ZAN: variants seen among roughly 807,000 people sequenced by gnomAD.
ZAN encodes the protein zonadhesin.
A neutral mutation model predicts 286.2 loss-of-function variants in ZAN; 260 were observed. That is an observed-to-expected ratio of 0.91 (90% confidence interval 0.82 to 1.01). ZAN has a LOEUF of 1.01. Ranked by LOEUF, ZAN falls within the 50% of genes least tolerant of loss-of-function variation. The pLI, the probability that ZAN is intolerant of heterozygous loss-of-function variation, is 0.00. For missense variants in ZAN, 3,410 were observed against 3,639.2 expected (o/e 0.94, Z 1.62); for synonymous variants, 1,368 against 1,417.5 (o/e 0.97, Z 0.79).
chr7:100,773,493 G>T lies in ZAN; in HGVS notation c.5634G>T (p.Pro1878=), dbSNP rs779344893. 8.7e-6 allele frequency: 14 copies of T among 1,612,952 alleles called. No homozygotes were observed. ...GCTDPAGSYH[P]VGERWYTENT... Reference sequence around the variant, plus strand: ...CTGACCCAGCGGGCTCCTACCACCCGGTGAGAGGCCAGCTAGGAGGGGCCC... The same window carrying T: ...CTGACCCAGCGGGCTCCTACCACCCTGTGAGAGGCCAGCTAGGAGGGGCCC... The change falls in exon 30 of 48, where the codon CCG becomes CCT. Residue 1878 remains proline (P), a splice_region_variant and synonymous_variant. Transcript: ENST00000613979.
At chr7:100,750,563 A>T in intron 11 of ZAN, 62 bp from the exon 12 acceptor site, 1 of 1,562,842 alleles carries the variant, frequency 6.4e-7, no homozygotes. Flanking sequence ...AGCTTTGCTA[A>T]AGCAGCAGTT....
At position 100,758,633 on chromosome 7, in the gene ZAN, C is replaced by T; in HGVS notation, c.3554C>T (p.Pro1185Leu). ...AAGTGCACTTACATCTTGGCCCAGCCCTGTGGCAACTCAACAGGTAGGCCC... is the reference window on the plus strand; with the variant it reads ...AAGTGCACTTACATCTTGGCCCAGCTCTGTGGCAACTCAACAGGTAGGCCC... Reference protein sequence around the residue: ...MGKCTYILAQPCGNSTDPFFR... With the variant: ...MGKCTYILAQLCGNSTDPFFR... Residue 1185 changes from proline to leucine, a missense_variant, in exon 17 of 48, where the codon CCC becomes CTC. Pro to Leu is a moderately conservative substitution (Grantham distance 98). Transcript: ENST00000613979. 1 of 1,555,886 alleles carries T rather than the reference C, an allele frequency of 6.4e-7. No homozygotes were observed. Among genetic ancestry groups the T allele is most frequent in the Non-Finnish European group, 8.7e-7 (1 of 1,149,616 alleles).
chr7:100,764,410 G>T (rs976458126), intron 22 of ZAN, among the ~76,000 whole-genome samples: 1 of 152,096 alleles, frequency 6.6e-6, no homozygotes, highest in Admixed American at 6.6e-5. Context: ...CAGGAGAATC[G>T]CTTGAACCCG....
chr7:100,763,840 T>C lies in ZAN; in HGVS notation c.4021T>C (p.Cys1341Arg). Residue 1341 changes from cysteine to arginine, a missense_variant, in exon 21 of 48, where the codon TGT becomes CGT. Cys to Arg is a radical substitution (Grantham distance 180, BLOSUM62 -3). Transcript: ENST00000613979. This position sits in a 1 kb window ranked among gnomAD's most constrained non-coding sequence, Gnocchi z 4.6. ...GTACCAGGTGGTGAATTCCCCGTCTTGTGATTCATCTCTGCAGAGCAGCAT... is the reference window on the plus strand; with the variant it reads ...GTACCAGGTGGTGAATTCCCCGTCTCGTGATTCATCTCTGCAGAGCAGCAT... ...QKYQVVNSPS[C>R]DSSLQSSMSG... 6.2e-7 allele frequency: 1 copy of C among 1,614,032 alleles called. No homozygotes were observed. The highest frequency in any genetic ancestry group is 1.6e-4 in the Middle Eastern group (1 of 6,062).
In ZAN at chr7:100,749,673, T is replaced by C. The variant is rs1283000558; in HGVS notation, c.1250-952T>C. ...AAAAATATATATATATATATATATA[T>C]ATACACACACACACATATATATACA... On this transcript the variant is annotated intron_variant, in intron 11 of 47. Transcript: ENST00000613979. 1.2e-4 allele frequency among the ~76,000 whole-genome samples: 16 copies of C among 137,848 alleles called. 2 individuals carry two copies. The South Asian group carries it at 1.4e-3, about 12-fold the overall frequency. 90.4% of individuals were successfully genotyped at this position (137,848 alleles called of 152,430 possible).
intron 2 of ZAN, among the ~76,000 whole-genome samples, 168 bp from the exon 3 acceptor site, chr7:100,735,550 GAA>G (rs368199475): frequency 4.7e-5 from 5 of 105,398 alleles, no homozygotes; most frequent in Non-Finnish European, 6.1e-5. Context: ...CTGGGTGCCG[GAA>G]AAAAAAAAAA....
At position 100,753,980 on chromosome 7, in the gene ZAN, C is replaced by T. The variant is rs59409166; in HGVS notation, c.3124+751C>T. ...ACCTATTAGCAGCCACTCCCCACTCCGCCTTCCCCCAGCCCCTGGCAACCA... is the reference window on the plus strand; with the variant it reads ...ACCTATTAGCAGCCACTCCCCACTCTGCCTTCCCCCAGCCCCTGGCAACCA... On this transcript the variant is annotated intron_variant, in intron 14 of 47. Transcript: ENST00000613979. Among the ~76,000 whole-genome samples the T allele has an allele frequency of 2.7e-3, 410 of 152,234 alleles. 1 individual carries two copies. Among genetic ancestry groups the T allele is most frequent in the African/African-American group, 9.3e-3 (386 of 41,550 alleles).
intron 38 of ZAN, among the ~76,000 whole-genome samples, chr7:100,788,738 G>A (rs111943953): frequency 0.018 from 2,673 of 152,048 alleles, 88 homozygotes; most frequent in African/African-American, 0.061. Context: ...TCACTCTGTC[G>A]CCCAGGCTGG....
At position 100,750,773 on chromosome 7, in the gene ZAN, A is replaced by G; in HGVS notation, c.1398A>G (p.Glu466=). 6.2e-7 allele frequency: 1 copy of G among 1,612,886 alleles called. No homozygotes were observed. Among genetic ancestry groups the G allele is most frequent in the Middle Eastern group, 1.7e-4 (1 of 6,058 alleles). Residue 466 remains glutamate (E), a synonymous_variant, in exon 12 of 48, where the codon GAA becomes GAG. Coordinates refer to ENST00000613979, the MANE Select transcript of ZAN (RefSeq NM_003386.3). ...MYGLGEGTML[E]LLLGSPAGSP... ...GCCTTGGGGAGGGTACTATGCTCGA[A>G]CTCCTCCTGGGAAGTCCTGCGGGGA...
At chr7:100,745,747 G>A (rs755049655) in intron 7 of ZAN, among the ~76,000 whole-genome samples, 21 of 151,246 alleles carry the variant, frequency 1.4e-4, no homozygotes, top group Non-Finnish European at 2.9e-4. Context: ...TTAGCTGGGC[G>A]GACTCCAGGT....
At chr7:100,784,900 C>T (rs1811462303) in intron 36 of ZAN, 66 bp downstream of exon 36, 1 of 1,456,752 alleles carries the variant, frequency 6.9e-7, no homozygotes, top group East Asian at 2.5e-5. Context: ...CTCCTTTTCT[C>T]TGCCTCTCTC....
intron 40 of ZAN, 51 bp from the exon 41 acceptor site, chr7:100,791,912 CCCA>C: frequency 6.5e-7 from 1 of 1,542,320 alleles, no homozygotes; most frequent in Non-Finnish European, 8.7e-7. Context: ...TTCTTCTTCC[CCCA>C]CTTCACCTTC....
In ZAN at chr7:100,751,993, A is replaced by G. The variant is rs1222339421; in HGVS notation, c.1888A>G (p.Thr630Ala). The G allele has an allele frequency of 3.7e-6, 6 of 1,611,968 alleles. No homozygotes were observed. In the Admixed American group the frequency reaches 1.0e-4, roughly 27 times the overall value. The change falls in exon 14 of 48, where the codon ACA becomes GCA. Residue 630 changes from threonine (T) to alanine (A), a missense_variant. By Grantham distance (58) the Thr-to-Ala change is moderately conservative. This residue lies in a region of ZAN where 872 missense variants were observed against 938.9 expected (regional missense o/e 0.93). Transcript: ENST00000613979. ...TCCCTCAGAAAAACCCACCATCCTC[A>G]CAGAAAAACCCACCATTCCCTCAGA... is the stretch of plus-strand genomic sequence containing the variant. ...TIPSEKPTIL[T>A]EKPTIPSEKP... is the part of the protein sequence containing the mutation.
At chr7:100,749,527 C>A (rs1808474948) in intron 11 of ZAN, among the ~76,000 whole-genome samples, 1 of 151,276 alleles carries the variant, frequency 6.6e-6, no homozygotes, top group Non-Finnish European at 1.5e-5. Context: ...GTAGTCCCAG[C>A]TACTCGGGAG....
chr7:100,786,877 C>A (rs764777288), intron 37 of ZAN, among the ~76,000 whole-genome samples: 10 of 152,068 alleles, frequency 6.6e-5, no homozygotes, highest in Middle Eastern at 3.2e-3. Flanking sequence ...CATAGGAAGA[C>A]CCTGTCCCTA....
At position 100,736,796 on chromosome 7, in the gene ZAN, C is replaced by T; in HGVS notation, c.254-13C>T. On this transcript the variant is annotated splice_polypyrimidine_tract_variant and intron_variant, in intron 4 of 47. Transcript: ENST00000613979. ...TGGCTGGGCCTCAGTGTCTTGGGCT[C>T]TGCCTCCCCCAGAGGGCAGCTATCT... is the stretch of plus-strand genomic sequence containing the variant. 1 of 1,465,898 alleles carries T rather than the reference C, an allele frequency of 6.8e-7. No homozygotes were observed. Among genetic ancestry groups the T allele is most frequent in the East Asian group, 2.4e-5 (1 of 41,380 alleles). The allele number at this position is 1,465,898 out of a possible 1,614,324, so 90.8% of individuals were successfully genotyped here. A position where few individuals can be genotyped will look rare whatever the true frequency, so the allele number is the denominator to read the frequency against.
chr7:100,784,614 C>T lies in ZAN; in HGVS notation c.6623-9C>T, dbSNP rs775792931. On this transcript the variant is annotated splice_polypyrimidine_tract_variant and intron_variant, in intron 35 of 47. Transcript: ENST00000613979. ...CTCTCCACTGACCCACTGTCTCCTT[C>T]ACCCACAGCTCTGGAATGCCCTGCC... The T allele has an allele frequency of 6.2e-7, 1 of 1,613,162 alleles. No individual in the cohort carries two copies. The highest frequency in any genetic ancestry group is 1.7e-5 in the Admixed American group (1 of 59,984).
chr7:100,792,581 C>T, intron 42 of ZAN, 102 bp downstream of exon 42: 2 of 1,557,706 alleles, frequency 1.3e-6, no homozygotes, highest in Non-Finnish European at 8.7e-7. Context: ...ACCCTGACCC[C>T]TCTGCCGTCC....
At position 100,755,305 on chromosome 7, in the gene ZAN, C is replaced by A; in HGVS notation, c.3204C>A (p.Pro1068=). 1 of 1,613,874 alleles carries A rather than the reference C, an allele frequency of 6.2e-7. No homozygotes were observed. The highest frequency in any genetic ancestry group is 8.5e-7 in the Non-Finnish European group (1 of 1,179,880). ...SCKSPRPSCG[P]LCREGCVCNP... ...AGAGCCCCAGGCCTAGCTGTGGGCC[C>A]CTCTGTCGGGAGGGCTGTGTCTGCA... Residue 1068 remains proline (P), a synonymous_variant, in exon 15 of 48, where the codon CCC becomes CCA. Coordinates refer to ENST00000613979, the MANE Select transcript of ZAN (RefSeq NM_003386.3).
Sources: allele counts gnomAD v4.1 joint callset (sites outside exome capture counted in the v4.1 genomes callset), GRCh38; gene constraint gnomAD v4.1.1; regional missense constraint gnomAD v4.1.1; non-coding constraint Gnocchi (gnomAD v3.1); transcripts MANE v1.5; gene names NCBI Gene and HGNC (gene_info 2026-07-23, HGNC 2026-07-21).